KCNIP1: variants seen among roughly 807,000 people sequenced by gnomAD.
The protein encoded by KCNIP1 is potassium voltage-gated channel interacting protein 1.
A neutral mutation model predicts 33.0 loss-of-function variants in KCNIP1; 18 were observed. The observed-to-expected ratio is 0.55, with a 90% confidence interval of 0.38 to 0.81. The LOEUF is 0.81. KCNIP1 is among the 30% of genes least tolerant of loss of function. The pLI, the probability that KCNIP1 is intolerant of heterozygous loss-of-function variation, is 0.00. For missense variants in KCNIP1, 238 were observed against 271.6 expected (o/e 0.88, Z 0.87); for synonymous variants, 93 against 98.3 (o/e 0.95, Z 0.32).
chr5:170,419,258 C>T (rs1581174508), intron 1 of KCNIP1, among the ~76,000 whole-genome samples: 1 of 152,180 alleles, frequency 6.6e-6, no homozygotes, highest in East Asian at 1.9e-4. Context: ...GGTTCCACAG[C>T]AGAGGAGGAG....
At chr5:170,673,698 G>A (rs1762009409) in intron 1 of KCNIP1, among the ~76,000 whole-genome samples, 1 of 152,092 alleles carries the variant, frequency 6.6e-6, no homozygotes, top group Admixed American at 6.5e-5. Context: ...TTATATGGAA[G>A]GACTGAATGT....
intron 1 of KCNIP1, among the ~76,000 whole-genome samples, chr5:170,699,546 A>C (rs1763016894): frequency 7.0e-6 from 1 of 142,494 alleles, no homozygotes; most frequent in African/African-American, 2.7e-5. Context: ...TAAGAATTAA[A>C]TTGCTCTGTG....
chr5:170,675,338 G>A (rs1762090856), intron 1 of KCNIP1, among the ~76,000 whole-genome samples: 3 of 151,538 alleles, frequency 2.0e-5, no homozygotes, highest in Admixed American at 2.0e-4. Context: ...AAAAATAAAT[G>A]GCCAGGTGCA....
At chr5:170,401,626 G>C (rs936760555) in intron 1 of KCNIP1, among the ~76,000 whole-genome samples, 1 of 152,102 alleles carries the variant, frequency 6.6e-6, no homozygotes, top group Non-Finnish European at 1.5e-5. Context: ...GCCAGGCATG[G>C]TGGCGCATGC....
chr5:170,511,064 C>A (rs1754914769), intron 1 of KCNIP1, among the ~76,000 whole-genome samples: 1 of 152,124 alleles, frequency 6.6e-6, no homozygotes, highest in Admixed American at 6.5e-5. Flanking sequence ...CAAAAATTAG[C>A]CGGGCATGGT....
At chr5:170,669,079 GC>G (rs1269095670) in intron 1 of KCNIP1, among the ~76,000 whole-genome samples, 1 of 152,144 alleles carries the variant, frequency 6.6e-6, no homozygotes, top group African/African-American at 2.4e-5. Flanking sequence ...CCAACTGTAG[GC>G]CTGCCCCACT....
intron 1 of KCNIP1, among the ~76,000 whole-genome samples, chr5:170,449,548 A>G (rs1756196884): frequency 6.6e-6 from 1 of 152,198 alleles, no homozygotes; most frequent in South Asian, 2.1e-4. Flanking sequence ...ATGATGTGCA[A>G]ATTGCTCAGC....
chr5:170,375,992 T>G (rs1763986215), intron 1 of KCNIP1: 1 of 152,214 alleles, frequency 6.6e-6, no homozygotes, highest in African/African-American at 2.4e-5. Context: ...CCTCTGTTGC[T>G]TCTCATCATC....
chr5:170,458,362 A>G (rs1163024407), intron 1 of KCNIP1, among the ~76,000 whole-genome samples: 1 of 152,226 alleles, frequency 6.6e-6, no homozygotes, highest in East Asian at 1.9e-4. Flanking sequence ...TGGGAAATTC[A>G]TTGCAAAAAG....
intron 1 of KCNIP1, among the ~76,000 whole-genome samples, chr5:170,609,632 G>A (rs1759067035): frequency 1.3e-5 from 2 of 152,036 alleles, no homozygotes; most frequent in Admixed American, 1.3e-4. Flanking sequence ...CTTGAGGCCA[G>A]GAGTTCAAGA....
chr5:170,391,801 A>T (rs928648494), intron 1 of KCNIP1, among the ~76,000 whole-genome samples: 12 of 152,182 alleles, frequency 7.9e-5, no homozygotes. Context: ...AGAGATAATT[A>T]TACCTAGCCC....
At chr5:170,565,854 C>T (rs1412455385) in intron 1 of KCNIP1, among the ~76,000 whole-genome samples, 4 of 152,188 alleles carry the variant, frequency 2.6e-5, no homozygotes, top group South Asian at 2.1e-4. Flanking sequence ...AATCCAAGCA[C>T]CTCATCTTCA....
chr5:170,581,600 T>C (rs1341904002), intron 1 of KCNIP1, among the ~76,000 whole-genome samples: 1 of 152,256 alleles, frequency 6.6e-6, no homozygotes, highest in African/African-American at 2.4e-5. Context: ...AGCCTTGAGC[T>C]AATCCATCTT....
upstream of KCNIP1, among the ~76,000 whole-genome samples, chr5:170,502,952 C>T (rs998165887): frequency 3.3e-5 from 5 of 152,116 alleles, no homozygotes; most frequent in Admixed American, 6.5e-5. Flanking sequence ...TTGGGTGAGA[C>T]GCCACTCACA....
intron 1 of KCNIP1, chr5:170,713,019 A>G (rs1297326999): frequency 1.1e-4 from 83 of 758,488 alleles, no homozygotes. Flanking sequence ...CAAGCCCCAC[A>G]TATATAGAAA....
intron 1 of KCNIP1, among the ~76,000 whole-genome samples, chr5:170,558,053 G>T (rs1455672842): frequency 6.6e-6 from 1 of 152,180 alleles, no homozygotes; most frequent in Non-Finnish European, 1.5e-5. Flanking sequence ...AGGACTTGAC[G>T]GGATTTGGGT....
At chr5:170,607,785 G>T (rs1347656815) in intron 1 of KCNIP1, among the ~76,000 whole-genome samples, 1 of 152,170 alleles carries the variant, frequency 6.6e-6, no homozygotes, top group South Asian at 2.1e-4. Flanking sequence ...TGAGATGAGG[G>T]TCTCAGCCGG....
At chr5:170,670,774 C>T (rs1266024789) in intron 1 of KCNIP1, among the ~76,000 whole-genome samples, 9 of 152,172 alleles carry the variant, frequency 5.9e-5, no homozygotes, top group African/African-American at 1.9e-4. Context: ...AGCACACCTG[C>T]AGTCCCAGCT....
At position 170,620,739 on chromosome 5, in the gene KCNIP1, C is replaced by T. The variant is rs185266954; in HGVS notation, c.62-98019C>T. ...TGGGTATTCAACCCTCCTAAACTCA[C>T]CCCCAAATCCACTGGGAGCATGTCA... On this transcript the variant is annotated intron_variant, in intron 1 of 7. Coordinates refer to ENST00000328939, the MANE Select transcript of KCNIP1 (RefSeq NM_014592.4). Among the ~76,000 whole-genome samples, 42 of 152,324 alleles carry T rather than the reference C, an allele frequency of 2.8e-4. No homozygotes were observed. The East Asian group carries it at 7.9e-3, about 29-fold the overall frequency.
Sources: gnomAD v4.1 joint callset for allele counts (sites outside exome capture counted in the v4.1 genomes callset) on GRCh38, gnomAD v4.1.1 for gene constraint, MANE v1.5 for transcripts, NCBI Gene and HGNC (gene_info 2026-07-23, HGNC 2026-07-21) for gene names.